The following CAMKK1 variants were observed in gnomAD, a reference collection of about 807,000 sequenced individuals.
The protein encoded by CAMKK1 is calcium/calmodulin dependent protein kinase kinase 1.
Under a neutral mutation model 63.5 loss-of-function variants are expected in CAMKK1, and 20 were observed. The ratio of observed to expected loss-of-function variants is 0.32; its 90% confidence interval spans 0.22 to 0.46. CAMKK1 has a LOEUF of 0.46. CAMKK1 is among the 20% of genes least tolerant of loss of function. The probability of loss-of-function intolerance (pLI) is 1.00; values close to 1 mark genes in which losing one functional copy is unlikely to be tolerated. For missense variants in CAMKK1, 588 were observed against 658.1 expected (o/e 0.89, Z 1.17); for synonymous variants, 253 against 269.0 (o/e 0.94, Z 0.58).
At chr17:3,876,163 T>C in intron 10 of CAMKK1, 60 bp downstream of exon 10, 2 of 1,514,810 alleles carry the variant, frequency 1.3e-6, no homozygotes, top group South Asian at 1.2e-5. Flanking sequence ...ACTGGGCCAC[T>C]GCGGCAAGCT....
At chr17:3,874,994 C>T (rs925541107) in intron 10 of CAMKK1, among the ~76,000 whole-genome samples, 5 of 152,006 alleles carry the variant, frequency 3.3e-5, no homozygotes, top group African/African-American at 9.6e-5. Context: ...TGGTGGTGGG[C>T]GCCTGTAGTC....
At chr17:3,863,030 G>C (rs549078016) in intron 15 of CAMKK1, among the ~76,000 whole-genome samples, 51 of 152,250 alleles carry the variant, frequency 3.3e-4, no homozygotes, top group Non-Finnish European at 6.0e-4. Flanking sequence ...TCACAGGGCA[G>C]AGTCCATCTA....
chr17:3,883,868 G>T lies in CAMKK1; in HGVS notation c.462+16C>A, dbSNP rs201223383. The T allele has an allele frequency of 1.9e-6, 3 of 1,613,196 alleles. No homozygotes were observed. The highest frequency in any genetic ancestry group is 3.3e-5 in the Admixed American group (2 of 59,996). On this transcript the variant is annotated intron_variant, in intron 4 of 15. Transcript: ENST00000348335. This position sits in a 1 kb window ranked among gnomAD's most constrained non-coding sequence, Gnocchi z 4.7. ...GCCTGGCTTGGGCAACACCTCCCTC[G>T]TATCCCCAGACTCACATAGTGTCTG...
At position 3,884,089 on chromosome 17, in the gene CAMKK1, G is replaced by T; in HGVS notation, c.409-152C>A. ...CTCACGGGCAAATATTGTAGCAGATGGGGAGGGGACTCCTGCGCCCTGGTA... is the reference window on the plus strand; with the variant it reads ...CTCACGGGCAAATATTGTAGCAGATTGGGAGGGGACTCCTGCGCCCTGGTA... On this transcript the variant is annotated intron_variant, in intron 3 of 15. Transcript: ENST00000348335. This position sits in a 1 kb window ranked among gnomAD's most constrained non-coding sequence, Gnocchi z 4.5. 1 of 805,838 alleles carries T rather than the reference G, an allele frequency of 1.2e-6. No homozygotes were observed. The highest frequency in any genetic ancestry group is 2.0e-6 in the Non-Finnish European group (1 of 488,412). 49.9% of individuals were successfully genotyped at this position (805,838 alleles called of 1,614,324 possible).
intron 9 of CAMKK1, among the ~76,000 whole-genome samples, chr17:3,878,012 C>G (rs998348981): frequency 2.6e-5 from 4 of 152,210 alleles, no homozygotes; most frequent in Non-Finnish European, 4.4e-5. Flanking sequence ...CTGCTGCTCC[C>G]CATTCTTTTC....
chr17:3,882,287 C>T lies in CAMKK1; in HGVS notation c.685+241G>A, dbSNP rs1399301460. On this transcript the variant is annotated intron_variant, in intron 7 of 15. Coordinates refer to ENST00000348335, the MANE Select transcript of CAMKK1 (RefSeq NM_032294.3). This position sits in a 1 kb window ranked among gnomAD's most constrained non-coding sequence, Gnocchi z 4.3. ...CGCGCAGCCCACGTGGATCCACTGT[C>T]TTGCTGCTCAGAGGGAAGCAGGGAG... is the stretch of plus-strand genomic sequence containing the variant. The T allele has an allele frequency of 1.2e-6, 2 of 1,613,956 alleles. No homozygotes were observed. The highest frequency in any genetic ancestry group is 2.7e-5 in the African/African-American group (2 of 74,892).
At chr17:3,880,810 G>A (rs1263439909) in intron 8 of CAMKK1, among the ~76,000 whole-genome samples, 11 of 148,882 alleles carry the variant, frequency 7.4e-5, no homozygotes. Flanking sequence ...TAAATAAGTA[G>A]AATATATCAG....
At chr17:3,891,120 T>C (rs887871534) in intron 1 of CAMKK1, among the ~76,000 whole-genome samples, 61 of 119,474 alleles carry the variant, frequency 5.1e-4, no homozygotes, top group African/African-American at 2.1e-3. Context: ...GGGGGGGGGG[T>C]CACAGGCTAG....
chr17:3,883,628 G>A lies in CAMKK1; in HGVS notation c.463-148C>T, dbSNP rs938468655. 5.0e-6 allele frequency: 4 copies of A among 792,444 alleles called. No individual in the cohort carries two copies. The highest frequency in any genetic ancestry group is 8.8e-6 in the Non-Finnish European group (4 of 457,054). 49.1% of individuals were successfully genotyped at this position (792,444 alleles called of 1,614,324 possible). ...GCCCAGGTAAGTGTTAAGCGGGGTTGGGGGTGGCCATATCTGAGCCTAGCC... is the reference window on the plus strand; with the variant it reads ...GCCCAGGTAAGTGTTAAGCGGGGTTAGGGGTGGCCATATCTGAGCCTAGCC... On this transcript the variant is annotated intron_variant, in intron 4 of 15. Coordinates refer to ENST00000348335, the MANE Select transcript of CAMKK1 (RefSeq NM_032294.3). The surrounding 1 kb of genome is among the most constrained non-coding windows in gnomAD (Gnocchi z 4.7).
In CAMKK1 at chr17:3,882,976, C is replaced by T. The variant is rs1597481507; in HGVS notation, c.648+66G>A. On this transcript the variant is annotated intron_variant, in intron 6 of 15. Transcript: ENST00000348335. This position sits in a 1 kb window ranked among gnomAD's most constrained non-coding sequence, Gnocchi z 4.3. ...CCCTGGGTCTGTGCTAGGGGCTCCC[C>T]AGCACCAGAAGCGGCTCCCATGAGA... is the stretch of plus-strand genomic sequence containing the variant. The T allele has an allele frequency of 1.3e-6, 2 of 1,586,016 alleles. No homozygotes were observed. Among genetic ancestry groups the T allele is most frequent in the East Asian group, 4.5e-5 (2 of 44,636 alleles).
Position 3,883,259 on chromosome 17 carries a change from T to C in CAMKK1, c.515-84A>G. 1 of 1,574,792 alleles carries C rather than the reference T, an allele frequency of 6.4e-7. No individual in the cohort carries two copies. Reference sequence around the variant, plus strand: ...CCCAAACCAGTCTCAAGCAAGAGTCTTGCATGCCCGTGGTCTTGTCCCAAC... The same window carrying C: ...CCCAAACCAGTCTCAAGCAAGAGTCCTGCATGCCCGTGGTCTTGTCCCAAC... On this transcript the variant is annotated intron_variant, in intron 5 of 15. Coordinates refer to ENST00000348335, the MANE Select transcript of CAMKK1 (RefSeq NM_032294.3). This position sits in a 1 kb window ranked among gnomAD's most constrained non-coding sequence, Gnocchi z 4.7.
Position 3,882,463 on chromosome 17 carries a change from T to C in CAMKK1, c.685+65A>G. The C allele has an allele frequency of 6.3e-7, 1 of 1,593,298 alleles. No individual in the cohort carries two copies. The stretch of plus-strand genomic sequence containing the variant: ...ACACCGCCCACCTGAAGGTCATACA[T>C]GTCCCAAGGGAGCCCTTGGGCCAGC... On this transcript the variant is annotated intron_variant, in intron 7 of 15. Transcript: ENST00000348335. This position sits in a 1 kb window ranked among gnomAD's most constrained non-coding sequence, Gnocchi z 4.3.
intron 1 of CAMKK1, among the ~76,000 whole-genome samples, chr17:3,888,920 G>A (rs1218429919): frequency 2.6e-5 from 4 of 151,754 alleles, no homozygotes; most frequent in African/African-American, 9.7e-5. Context: ...TGGCGTGTGT[G>A]TGTGTGTGTG....
In CAMKK1 at chr17:3,862,066, G is replaced by A; in HGVS notation, c.*145C>T. 1.5e-6 allele frequency: 1 copy of A among 650,746 alleles called. No individual in the cohort carries two copies. 40.3% of individuals were successfully genotyped at this position (650,746 alleles called of 1,614,324 possible). ...CTGTCCCTGGACGTGCGTGCGTGGA[G>A]GTCATGCAGCACGATGGGGGAGGGG... On this transcript the variant is annotated 3_prime_UTR_variant, in exon 16 of 16. Coordinates refer to ENST00000348335, the MANE Select transcript of CAMKK1 (RefSeq NM_032294.3). This position sits in a 1 kb window ranked among gnomAD's most constrained non-coding sequence, Gnocchi z 4.1.
chr17:3,890,549 T>G lies in CAMKK1; in HGVS notation c.-44+2390A>C, dbSNP rs11657386. ...TTCAACTCAGCATCTTCCCCAAACCTGCTCGTCCTCCTCTGTCTCCATTGC... is the reference window on the plus strand; with the variant it reads ...TTCAACTCAGCATCTTCCCCAAACCGGCTCGTCCTCCTCTGTCTCCATTGC... On this transcript the variant is annotated intron_variant, in intron 1 of 15. Transcript: ENST00000348335. The surrounding 1 kb of genome is among the most constrained non-coding windows in gnomAD (Gnocchi z 6.5). 2.0e-3 allele frequency: 1,446 copies of G among 724,348 alleles called. 1 individual carries two copies. The highest frequency in any genetic ancestry group is 3.2e-3 in the Non-Finnish European group (1,247 of 386,332). 44.9% of individuals were successfully genotyped at this position (724,348 alleles called of 1,614,324 possible).
At chr17:3,881,688 C>A (rs748652988) in intron 7 of CAMKK1, 40 bp from the exon 8 acceptor site, 1 of 1,551,888 alleles carries the variant, frequency 6.4e-7, no homozygotes, top group East Asian at 2.4e-5. Context: ...AGCTGGCTGG[C>A]AAAGCAGCCG....
chr17:3,883,847 G>A lies in CAMKK1; in HGVS notation c.462+37C>T, dbSNP rs754936027. The A allele has an allele frequency of 9.3e-6, 15 of 1,610,562 alleles. No homozygotes were observed. The East Asian group carries it at 3.1e-4, about 33-fold the overall frequency. On this transcript the variant is annotated intron_variant, in intron 4 of 15. Transcript: ENST00000348335. The surrounding 1 kb of genome is among the most constrained non-coding windows in gnomAD (Gnocchi z 4.7). ...CCCACCCCTCAGGCTTCCAGGGCCTGGCTTGGGCAACACCTCCCTCGTATC... is the reference window on the plus strand; with the variant it reads ...CCCACCCCTCAGGCTTCCAGGGCCTAGCTTGGGCAACACCTCCCTCGTATC...
chr17:3,865,449 G>A, intron 15 of CAMKK1: 4 of 998,224 alleles, frequency 4.0e-6, no homozygotes, highest in Non-Finnish European at 4.8e-6. Flanking sequence ...CAGTCCCCAG[G>A]GCCAGGCAGA....
chr17:3,872,436 C>T, intron 12 of CAMKK1, 118 bp downstream of exon 12: 1 of 803,662 alleles, frequency 1.2e-6, no homozygotes, highest in Non-Finnish European at 2.1e-6. Flanking sequence ...CAGGGAACAG[C>T]ACCGCCACCT....
Sources: gnomAD v4.1 joint callset for allele counts (sites outside exome capture counted in the v4.1 genomes callset) on GRCh38, gnomAD v4.1.1 for gene constraint, Gnocchi (gnomAD v3.1) non-coding constraint, MANE v1.5 for transcripts, NCBI Gene and HGNC (gene_info 2026-07-23, HGNC 2026-07-21) for gene names.